RSRC1: variants seen among roughly 807,000 people sequenced by gnomAD.
RSRC1 encodes the protein arginine and serine rich coiled-coil 1, also known as serine/Arginine-related protein 53.
A neutral mutation model predicts 49.1 loss-of-function variants in RSRC1; 39 were observed. That is an observed-to-expected ratio of 0.79 (90% CI 0.61 to 1.04). RSRC1 has a LOEUF of 1.04. Ranked by LOEUF, RSRC1 falls within the 50% of genes least tolerant of loss-of-function variation. The pLI is 0.00. For missense variants in RSRC1, 388 were observed against 402.4 expected, an observed-to-expected ratio of 0.96 and a Z score of 0.31; for synonymous variants, 143 against 130.8, an observed-to-expected ratio of 1.09 and a Z score of -0.63.
chr3:158,141,284 GA>G (rs1438578638), intron 3 of RSRC1, among the ~76,000 whole-genome samples: 6 of 152,174 alleles, frequency 3.9e-5, no homozygotes, highest in Non-Finnish European at 8.8e-5. Context: ...GTTGCTGGTT[GA>G]TTCTTAACCT....
At chr3:158,473,627 C>T (rs959641594) in intron 7 of RSRC1, among the ~76,000 whole-genome samples, 12 of 151,534 alleles carry the variant, frequency 7.9e-5, no homozygotes, top group African/African-American at 2.7e-4. Context: ...CAAACCTGTA[C>T]GTTGTGCACA....
At chr3:158,236,133 G>A (rs974263250) in intron 4 of RSRC1, among the ~76,000 whole-genome samples, 3 of 151,010 alleles carry the variant, frequency 2.0e-5, no homozygotes, top group Non-Finnish European at 4.4e-5. Context: ...AAAAAAGGAA[G>A]AAGAAAAATA....
At chr3:158,331,932 T>G (rs1729571370) in intron 5 of RSRC1, among the ~76,000 whole-genome samples, 2 of 151,698 alleles carry the variant, frequency 1.3e-5, no homozygotes, top group Admixed American at 1.3e-4. Flanking sequence ...TCATAATATA[T>G]ATCTTTTAAA....
chr3:158,505,654 G>A (rs1008693186), intron 7 of RSRC1, among the ~76,000 whole-genome samples: 1 of 152,048 alleles, frequency 6.6e-6, no homozygotes, highest in African/African-American at 2.4e-5. Context: ...GGAAGAACCT[G>A]AAAGGAAGTT....
At chr3:158,533,178 G>A (rs1407950016) in intron 7 of RSRC1, among the ~76,000 whole-genome samples, 1 of 151,682 alleles carries the variant, frequency 6.6e-6, no homozygotes, top group Non-Finnish European at 1.5e-5. Flanking sequence ...ATAGAGCTGA[G>A]GTACTGTAAA....
At chr3:158,281,419 A>T (rs1257019265) in intron 4 of RSRC1, among the ~76,000 whole-genome samples, 1 of 151,844 alleles carries the variant, frequency 6.6e-6, no homozygotes, top group East Asian at 1.9e-4. Context: ...CATTTTTTGC[A>T]CATGTACGTA....
chr3:158,472,140 G>A (rs1007447825), intron 7 of RSRC1, among the ~76,000 whole-genome samples: 3 of 151,962 alleles, frequency 2.0e-5, no homozygotes, highest in African/African-American at 7.3e-5. Flanking sequence ...CATATATCAA[G>A]TTGGTTTTTA....
chr3:158,329,611 G>T (rs1729412937), intron 5 of RSRC1, among the ~76,000 whole-genome samples: 1 of 152,216 alleles, frequency 6.6e-6, no homozygotes, highest in Admixed American at 6.5e-5. Context: ...TCATCTCAGA[G>T]GGGTACCCGG....
At chr3:158,214,847 G>T (rs1229362212) in intron 4 of RSRC1, among the ~76,000 whole-genome samples, 1 of 151,646 alleles carries the variant, frequency 6.6e-6, no homozygotes, top group African/African-American at 2.4e-5. Context: ...ATTAGGATAT[G>T]GTCTGTCTTG....
At chr3:158,392,796 T>A (rs549799375) in intron 6 of RSRC1, among the ~76,000 whole-genome samples, 1 of 152,108 alleles carries the variant, frequency 6.6e-6, no homozygotes, top group Admixed American at 6.6e-5. Context: ...ACAAAGATAT[T>A]CAGGACCTGA....
intron 5 of RSRC1, among the ~76,000 whole-genome samples, chr3:158,299,320 T>TTTTATTTA (rs1283677025): frequency 1.3e-5 from 2 of 151,780 alleles, no homozygotes; most frequent in Non-Finnish European, 2.9e-5. Flanking sequence ...TATTTTTTAT[T>TTTTATTTA]TTTATTTATT....
Position 158,354,211 on chromosome 3 carries a change from G to A in RSRC1, c.532-646G>A, listed in dbSNP as rs141647040. ...TCACCATGTTGGCCAGGATGGTCTC[G>A]ATCTCTTGACCTTGTGATCCACCCG... On this transcript the variant is annotated intron_variant, in intron 5 of 9. Transcript: ENST00000611884. 1.7e-3 allele frequency among the ~76,000 whole-genome samples: 256 copies of A among 152,020 alleles called. 1 individual carries two copies. The highest frequency in any genetic ancestry group is 5.8e-3 in the African/African-American group (239 of 41,474).
At chr3:158,468,275 A>G (rs989900905) in intron 7 of RSRC1, among the ~76,000 whole-genome samples, 2 of 152,204 alleles carry the variant, frequency 1.3e-5, no homozygotes, top group Non-Finnish European at 2.9e-5. Context: ...ATCTTTTTCA[A>G]GCTAGCTCTA....
chr3:158,194,054 T>TATACACACAC (rs1720394992), intron 3 of RSRC1, among the ~76,000 whole-genome samples: 2 of 144,076 alleles, frequency 1.4e-5, no homozygotes, highest in African/African-American at 2.6e-5. Flanking sequence ...ACCCCGTCTA[T>TATACACACAC]ACACACACAC....
chr3:158,475,078 C>A (rs1367657336), intron 7 of RSRC1, among the ~76,000 whole-genome samples: 3 of 151,956 alleles, frequency 2.0e-5, no homozygotes, highest in Non-Finnish European at 4.4e-5. Flanking sequence ...TCACACCTGG[C>A]TAATTTTTTT....
intron 7 of RSRC1, among the ~76,000 whole-genome samples, chr3:158,484,179 A>G (rs969726612): frequency 1.3e-5 from 2 of 152,224 alleles, no homozygotes; most frequent in South Asian, 2.1e-4. Flanking sequence ...CCTGAGGTCA[A>G]CCTCTGCAGG....
chr3:158,450,812 C>T (rs1451116416), intron 6 of RSRC1, among the ~76,000 whole-genome samples: 1 of 151,738 alleles, frequency 6.6e-6, no homozygotes, highest in Non-Finnish European at 1.5e-5. Context: ...GCTTTTTTAA[C>T]ATTATATATT....
intron 4 of RSRC1, among the ~76,000 whole-genome samples, chr3:158,232,981 T>C (rs984924160): frequency 4.0e-5 from 6 of 151,842 alleles, no homozygotes; most frequent in African/African-American, 1.5e-4. Flanking sequence ...ATGTTTCTAA[T>C]TGACTAAAGG....
intron 7 of RSRC1, among the ~76,000 whole-genome samples, chr3:158,473,085 C>T (rs1224133284): frequency 1.3e-5 from 2 of 152,064 alleles, no homozygotes; most frequent in African/African-American, 2.4e-5. Flanking sequence ...ACTAGTTCAA[C>T]CATTGTGAAA....
Sources: gnomAD v4.1 joint callset for allele counts (sites outside exome capture counted in the v4.1 genomes callset) on GRCh38, gnomAD v4.1.1 for gene constraint, MANE v1.5 for transcripts, NCBI Gene and HGNC (gene_info 2026-07-23, HGNC 2026-07-21) for gene names.